PAH: variants seen among roughly 807,000 people sequenced by gnomAD.
The protein encoded by PAH is phenylalanine-4-hydroxylase.
A neutral mutation model predicts 62.0 loss-of-function variants in PAH; 64 were observed. The ratio of observed to expected loss-of-function variants is 1.03; its 90% confidence interval spans 0.84 to 1.27. PAH has a LOEUF of 1.27. PAH is among the 50% of genes most tolerant of loss of function. The probability of loss-of-function intolerance (pLI) is 0.00; values close to 1 mark genes in which losing one functional copy is unlikely to be tolerated. For synonymous variants in PAH, 195 were observed against 196.2 expected, an observed-to-expected ratio of 0.99 and a Z score of 0.05; for missense variants, 579 against 542.8, an observed-to-expected ratio of 1.07 and a Z score of -0.66.
At chr12:102,910,949 G>A (rs1028915607) in intron 2 of PAH, among the ~76,000 whole-genome samples, 5 of 152,114 alleles carry the variant, frequency 3.3e-5, no homozygotes, top group Non-Finnish European at 5.9e-5. Context: ...GCCACTCTCC[G>A]CCAACCCTGG....
rs1441235746 is a variant in PAH, at chr12:102,864,592, T to C, written c.509+2004A>G. Among the ~76,000 whole-genome samples the C allele has an allele frequency of 2.6e-5, 4 of 152,076 alleles. No homozygotes were observed. In the East Asian group the frequency reaches 7.7e-4, roughly 29 times the overall value. On this transcript the variant is annotated intron_variant, in intron 5 of 12. Coordinates refer to ENST00000553106, the MANE Select transcript of PAH (RefSeq NM_000277.3). ...TAAAAATGTGACACTAAACAGACCA[T>C]GTAAAGGACACATGTTGACAAAATG...
chr12:102,868,472 A>G (rs1029392276), intron 4 of PAH, among the ~76,000 whole-genome samples: 1 of 152,024 alleles, frequency 6.6e-6, no homozygotes, highest in African/African-American at 2.4e-5. Context: ...CAGATAAATA[A>G]TGTGATTACT....
chr12:102,899,858 CAAA>C (rs1166069532), intron 2 of PAH, among the ~76,000 whole-genome samples: 460 of 9,254 alleles, frequency 0.05, no homozygotes, highest in Non-Finnish European at 0.074. Context: ...GACTCCGTCT[CAAA>C]AAAAAAAAAA....
upstream of PAH, among the ~76,000 whole-genome samples, chr12:102,952,187 G>A (rs1282815536): frequency 6.6e-6 from 1 of 152,168 alleles, no homozygotes; most frequent in Non-Finnish European, 1.5e-5. Flanking sequence ...AGGGGGGAGA[G>A]CTCTGAATGG....
chr12:102,889,652 A>T (rs1255878958), intron 3 of PAH, among the ~76,000 whole-genome samples: 4 of 152,142 alleles, frequency 2.6e-5, no homozygotes, highest in African/African-American at 9.7e-5. Flanking sequence ...CCCCACCAGG[A>T]CCCTTATAAT....
Position 102,894,429 on chromosome 12 carries a change from TA to T in PAH, c.352+305del, listed in dbSNP as rs3062651. ...AAATAAAAATTAAAAGCTTATAAAG[TA>T]AAAAAAAAAAAGAAAAAAGAAATAG... On this transcript the variant is annotated intron_variant, in intron 3 of 12. Transcript: ENST00000553106. 4.7e-3 allele frequency among the ~76,000 whole-genome samples: 652 copies of T among 138,910 alleles called. 3 individuals are homozygous for T. The highest frequency in any genetic ancestry group is 0.014 in the African/African-American group (532 of 37,052). The allele number at this position is 138,910 out of a possible 152,430, so 91.1% of individuals were successfully genotyped here.
intron 1 of PAH, among the ~76,000 whole-genome samples, chr12:102,929,253 A>G (rs1878775513): frequency 6.6e-6 from 1 of 152,214 alleles, no homozygotes; most frequent in African/African-American, 2.4e-5. Context: ...TAATACAGAC[A>G]TTAGTCAAAT....
chr12:102,940,116 A>G (rs1320928679), intron 1 of PAH, among the ~76,000 whole-genome samples: 1 of 152,246 alleles, frequency 6.6e-6, no homozygotes, highest in Non-Finnish European at 1.5e-5. Flanking sequence ...GCAAGAATTC[A>G]GCCACAAAGA....
chr12:102,953,741 T>G (rs117969818), upstream of PAH: 5,776 of 152,358 alleles, frequency 0.038, 170 homozygotes, highest in Middle Eastern at 0.11. Flanking sequence ...CTTATCTTTC[T>G]GCAATGTCTG....
intron 5 of PAH, among the ~76,000 whole-genome samples, chr12:102,859,611 A>T (rs1875623351): frequency 6.6e-6 from 1 of 152,214 alleles, no homozygotes; most frequent in African/African-American, 2.4e-5. Context: ...AGCACATCAA[A>T]AAGCTTATCC....
intron 1 of PAH, among the ~76,000 whole-genome samples, chr12:102,931,092 A>G (rs138974865): frequency 6.6e-6 from 1 of 152,290 alleles, no homozygotes; most frequent in South Asian, 2.1e-4. Context: ...TAATAAAAAT[A>G]TTATATAATT....
chr12:102,870,682 A>G (rs960600917), intron 4 of PAH, among the ~76,000 whole-genome samples: 16 of 152,204 alleles, frequency 1.1e-4, no homozygotes, highest in African/African-American at 3.9e-4. Context: ...GCCAATAACA[A>G]GAGGCTTTTT....
At chr12:102,907,289 T>C (rs1242235775) in intron 2 of PAH, among the ~76,000 whole-genome samples, 1 of 152,172 alleles carries the variant, frequency 6.6e-6, no homozygotes, top group Non-Finnish European at 1.5e-5. Flanking sequence ...TTTAAAAAAC[T>C]CCAGAGTGAT....
intron 3 of PAH, among the ~76,000 whole-genome samples, chr12:102,879,280 A>G (rs1460542215): frequency 1.3e-5 from 2 of 152,058 alleles, no homozygotes; most frequent in Admixed American, 1.3e-4. Context: ...ATGAGAAACA[A>G]GCAAAGGGCG....
intron 8 of PAH, among the ~76,000 whole-genome samples, chr12:102,850,370 A>G (rs1875090460): frequency 1.3e-5 from 2 of 152,222 alleles, no homozygotes; most frequent in Admixed American, 1.3e-4. Flanking sequence ...GCAAGCAATA[A>G]ATTCCACTTT....
At chr12:102,858,271 G>T (rs1875538396) in intron 5 of PAH, among the ~76,000 whole-genome samples, 1 of 152,200 alleles carries the variant, frequency 6.6e-6, no homozygotes, top group African/African-American at 2.4e-5. Context: ...AACAAGAAGA[G>T]CTAACTATCC....
At chr12:102,897,465 G>GTATATATATA (rs376902236) in intron 2 of PAH, among the ~76,000 whole-genome samples, 45 of 93,966 alleles carry the variant, frequency 4.8e-4, no homozygotes, top group South Asian at 1.2e-3. Flanking sequence ...GTGTGTGTGT[G>GTATATATATA]TATATATATA....
At position 102,895,869 on chromosome 12, in the gene PAH, A is replaced by AATATAT. The variant is rs1555208128; in HGVS notation, c.169-957_169-952dup. 5.0e-3 allele frequency among the ~76,000 whole-genome samples: 589 copies of AATATAT among 118,660 alleles called. 5 individuals are homozygous for AATATAT. The highest frequency in any genetic ancestry group is 6.8e-3 in the Admixed American group (77 of 11,356). 77.8% of individuals were successfully genotyped at this position (118,660 alleles called of 152,430 possible). Reference sequence around the variant, plus strand: ...GACTCTGTCTCAAAAAAAAAAAAAAAATATATATATATATATATATATGTA... The same window carrying AATATAT: ...GACTCTGTCTCAAAAAAAAAAAAAAAATATATATATATATATATATATATATATGTA... On this transcript the variant is annotated intron_variant, in intron 2 of 12. Coordinates refer to ENST00000553106, the MANE Select transcript of PAH (RefSeq NM_000277.3).
intron 1 of PAH, among the ~76,000 whole-genome samples, chr12:102,940,377 T>C (rs1284452643): frequency 6.6e-6 from 1 of 152,110 alleles, no homozygotes; most frequent in Admixed American, 6.5e-5. Flanking sequence ...TGGCAATGAA[T>C]ATCATAGAGA....
Sources: gnomAD v4.1 joint callset for allele counts (sites outside exome capture counted in the v4.1 genomes callset) on GRCh38, gnomAD v4.1.1 for gene constraint, MANE v1.5 for transcripts, NCBI Gene and HGNC (gene_info 2026-07-23, HGNC 2026-07-21) for gene names.